Variants in RAET1L observed in about 807,000 individuals in gnomAD.
The protein encoded by RAET1L is retinoic acid early transcript 1L.
In RAET1L, 16 loss-of-function variants were observed where a neutral mutation model predicts 23.9. That is an observed-to-expected ratio of 0.67 (90% CI 0.45 to 1.02). The LOEUF (loss-of-function observed/expected upper bound fraction) is 1.02, where lower values mean the gene tolerates loss of function less well. Ranked by LOEUF, RAET1L falls within the 50% of genes least tolerant of loss-of-function variation. The pLI, the probability that RAET1L is intolerant of heterozygous loss-of-function variation, is 0.00. For synonymous variants in RAET1L, 70 were observed against 111.2 expected (o/e 0.63, Z 2.33); for missense variants, 233 against 304.0 (o/e 0.77, Z 1.74).
chr6:150,023,713 T>C lies in RAET1L; in HGVS notation c.86-1470A>G, dbSNP rs373675551. On this transcript the variant is annotated intron_variant, in intron 1 of 4. Transcript: ENST00000367341. The stretch of plus-strand genomic sequence containing the variant: ...AGGTACATGTGGTCACAATGTCTAA[T>C]TGGAGAATCACAACAGAGATTCCAT... Among the ~76,000 whole-genome samples the C allele has an allele frequency of 4.6e-5, 7 of 152,112 alleles. No individual in the cohort carries two copies. In the South Asian group the frequency reaches 1.5e-3, roughly 32 times the overall value.
chr6:150,020,356 C>T (rs1016918565), intron 3 of RAET1L, 117 bp from the exon 4 acceptor site: 5 of 1,587,330 alleles, frequency 3.1e-6, no homozygotes, highest in Non-Finnish European at 4.3e-6. Flanking sequence ...TCCCCTCCCC[C>T]CTGGTGTGGG....
Position 150,025,389 on chromosome 6 carries a change from T to G in RAET1L, c.83A>C (p.Asp28Ala), listed in dbSNP as rs377737907. 1.4e-4 allele frequency: 233 copies of G among 1,613,178 alleles called. No individual in the cohort carries two copies. The highest frequency in any genetic ancestry group is 2.0e-4 in the Non-Finnish European group (231 of 1,179,498). ...TTAGGCTCCATCCACCAGCTCACCGTCTCGCCTAGCCCGGGACCAGCCGAA... is the reference window on the plus strand; with the variant it reads ...TTAGGCTCCATCCACCAGCTCACCGGCTCGCCTAGCCCGGGACCAGCCGAA... Reference protein sequence around the residue: ...LLFGWSRARRDDPHSLCYDIT... With the variant: ...LLFGWSRARRADPHSLCYDIT... The change falls in exon 1 of 5, where the codon GAC becomes GCC. Residue 28 changes from aspartate (D) to alanine (A), a missense_variant and splice_region_variant. Asp to Ala is a moderately radical substitution (Grantham distance 126, BLOSUM62 -2). This residue lies in a region of RAET1L where 42 missense variants were observed against 35.0 expected (regional missense o/e 1.20). Transcript: ENST00000367341.
intron 2 of RAET1L, 141 bp downstream of exon 2, chr6:150,021,839 A>C: frequency 1.6e-6 from 2 of 1,247,170 alleles, no homozygotes; most frequent in Non-Finnish European, 2.3e-6. Flanking sequence ...TGATCGGCCC[A>C]CCTCTACCTC....
intron 2 of RAET1L, among the ~76,000 whole-genome samples, chr6:150,021,402 G>A (rs1285121366): frequency 4.4e-5 from 6 of 135,918 alleles, no homozygotes; most frequent in Non-Finnish European, 6.4e-5. Flanking sequence ...GCAGTGGCGC[G>A]ATCTCGGCTC....
rs1015138169 is a variant in RAET1L at position 150,024,090 on chromosome 6, C to T, written c.85+1297G>A. On this transcript the variant is annotated intron_variant, in intron 1 of 4. Coordinates refer to ENST00000367341, the MANE Select transcript of RAET1L (RefSeq NM_130900.3). ...TCCCCAGGACACCACGTGGCTGCAC[C>T]CACTCACCCTCAGCTCACACCTGAG... is the stretch of plus-strand genomic sequence containing the variant. Among the ~76,000 whole-genome samples, 4 of 152,210 alleles carry T rather than the reference C, an allele frequency of 2.6e-5. No homozygotes were observed. In the South Asian group the frequency reaches 8.3e-4, roughly 32 times the overall value.
rs1012124708 is a variant in RAET1L at position 150,020,905 on chromosome 6, C to G, written c.631G>C (p.Ala211Pro). 4 of 1,613,850 alleles carry G rather than the reference C, an allele frequency of 2.5e-6. No homozygotes were observed. In the African/African-American group the frequency reaches 5.3e-5, roughly 22 times the overall value. ...MDSTLEPSAG[A>P]PLAMSSGTTQ... is the part of the protein sequence containing the mutation. Reference sequence around the variant, plus strand: ...TCCCCGTTTCTTTTTCTCCTGTTACCTCCTGCACTTGGCTCCAGGGTGCTG... The same window carrying G: ...TCCCCGTTTCTTTTTCTCCTGTTACGTCCTGCACTTGGCTCCAGGGTGCTG... The change falls in exon 3 of 5, where the codon GCA (alanine) becomes CCA (proline). Residue 211 changes from alanine (A) to proline (P), a missense_variant and splice_region_variant. By Grantham distance (27) the Ala-to-Pro change is conservative. Transcript: ENST00000367341.
chr6:150,023,108 A>G (rs1257991569), intron 1 of RAET1L, among the ~76,000 whole-genome samples: 2 of 139,134 alleles, frequency 1.4e-5, no homozygotes, highest in Admixed American at 7.5e-5. Flanking sequence ...TGAAATTCCA[A>G]ATTCCAGGTG....
intron 1 of RAET1L, among the ~76,000 whole-genome samples, chr6:150,024,494 G>A (rs111384778): frequency 0.4 from 60,984 of 151,076 alleles, 12,625 homozygotes; most frequent in Admixed American, 0.48. Context: ...TTCTAGAAAG[G>A]GTTTGCTGAC....
In RAET1L at chr6:150,025,351, G is replaced by C. The variant is rs977354568; in HGVS notation, c.85+36C>G. On this transcript the variant is annotated intron_variant, in intron 1 of 4. Transcript: ENST00000367341. ...TGCAGTCCACAGTCCCTCAGGTTTGGCCCCCGCCCCGCTTAGGCTCCATCC... is the reference window on the plus strand; with the variant it reads ...TGCAGTCCACAGTCCCTCAGGTTTGCCCCCCGCCCCGCTTAGGCTCCATCC... 6 of 1,580,878 alleles carry C rather than the reference G, an allele frequency of 3.8e-6. No homozygotes were observed. In the African/African-American group the frequency reaches 5.4e-5, roughly 14 times the overall value.
At chr6:150,023,634 C>T (rs550093974) in intron 1 of RAET1L, among the ~76,000 whole-genome samples, 2 of 152,294 alleles carry the variant, frequency 1.3e-5, no homozygotes, top group African/African-American at 2.4e-5. Flanking sequence ...GAATGATGAG[C>T]GAGGCTGGAC....
At chr6:150,023,218 A>G (rs1193775414) in intron 1 of RAET1L, among the ~76,000 whole-genome samples, 1 of 152,050 alleles carries the variant, frequency 6.6e-6, no homozygotes, top group South Asian at 2.1e-4. Context: ...AGTTATGCCC[A>G]TGGCTCATAG....
Position 150,021,197 on chromosome 6 carries a change from CA to C in RAET1L, c.350-12del. On this transcript the variant is annotated splice_polypyrimidine_tract_variant and intron_variant, in intron 2 of 4. Coordinates refer to ENST00000367341, the MANE Select transcript of RAET1L (RefSeq NM_130900.3). Reference sequence around the variant, plus strand: ...GCAGGGTGAGGGGTTCTGCCCCCATCAGAGAGAGATCAGCTCTGATCTTGAC... The same window carrying C: ...GCAGGGTGAGGGGTTCTGCCCCCATCGAGAGAGATCAGCTCTGATCTTGAC... The C allele has an allele frequency of 6.2e-7, 1 of 1,607,296 alleles. No individual in the cohort carries two copies. The highest frequency in any genetic ancestry group is 1.1e-5 in the South Asian group (1 of 90,258).
At position 150,020,234 on chromosome 6, in the gene RAET1L, G is replaced by A. The variant is rs1201526551; in HGVS notation, c.637C>T (p.Leu213Phe). ...TGGGTTGTGCCTGAGGACATGGCGAGTGGTGCTGAAATGGAAACACAAAAG... is the reference window on the plus strand; with the variant it reads ...TGGGTTGTGCCTGAGGACATGGCGAATGGTGCTGAAATGGAAACACAAAAG... ...STLEPSAGAPLAMSSGTTQLR... is the reference protein window; with the variant it reads ...STLEPSAGAPFAMSSGTTQLR... The change falls in exon 4 of 5, where the codon CTC becomes TTC. Residue 213 changes from leucine to phenylalanine, a missense_variant. Around this residue, in one of 4 missense-constraint regions of RAET1L, gnomAD observed 139 missense variants for 125.3 expected, o/e 1.11. Coordinates refer to ENST00000367341, the MANE Select transcript of RAET1L (RefSeq NM_130900.3). The A allele has an allele frequency of 1.1e-5, 16 of 1,509,340 alleles. No individual in the cohort carries two copies. The highest frequency in any genetic ancestry group is 1.3e-5 in the Non-Finnish European group (15 of 1,113,522). The allele number at this position is 1,509,340 out of a possible 1,614,324, so 93.5% of individuals were successfully genotyped here.
rs1779876861 is a variant in RAET1L at position 150,020,841 on chromosome 6, C to T, written c.631+64G>A. The T allele has an allele frequency of 5.7e-6, 9 of 1,592,004 alleles. No homozygotes were observed. The Admixed American group carries it at 8.6e-5, about 15-fold the overall frequency. On this transcript the variant is annotated intron_variant, in intron 3 of 4. Transcript: ENST00000367341. The stretch of plus-strand genomic sequence containing the variant: ...GGATGATTGAAGCTGAACTCAAGAA[C>T]TAACTTCTTGAGATCCCCATTTCTG...
In RAET1L at chr6:150,021,148, T is replaced by C. The variant is rs1374410539; in HGVS notation, c.388A>G (p.Lys130Glu). ...GATCCACTGCTGTGTCCTTCAGCTT[T>C]CTGCTCACAAGACATCCTTGCCTGC... Reference protein sequence around the residue: ...TLQARMSCEQKAEGHSSGSWQ... With the variant: ...TLQARMSCEQEAEGHSSGSWQ... Residue 130 changes from lysine to glutamate, a missense_variant, in exon 3 of 5, where the codon AAA (lysine) becomes GAA (glutamate). Physicochemically the swap from Lys to Glu is moderately conservative, Grantham distance 56 (BLOSUM62 1). Coordinates refer to ENST00000367341, the MANE Select transcript of RAET1L (RefSeq NM_130900.3). The C allele has an allele frequency of 3.7e-6, 6 of 1,613,934 alleles. No individual in the cohort carries two copies. Among genetic ancestry groups the C allele is most frequent in the Non-Finnish European group, 5.1e-6 (6 of 1,179,988 alleles).
chr6:150,020,851 G>A lies in RAET1L; in HGVS notation c.631+54C>T. The A allele has an allele frequency of 1.9e-6, 3 of 1,598,490 alleles. No homozygotes were observed. In the South Asian group the frequency reaches 3.4e-5, roughly 18 times the overall value. On this transcript the variant is annotated intron_variant, in intron 3 of 4. Coordinates refer to ENST00000367341, the MANE Select transcript of RAET1L (RefSeq NM_130900.3). The stretch of plus-strand genomic sequence containing the variant: ...AGCTGAACTCAAGAACTAACTTCTT[G>A]AGATCCCCATTTCTGATCTCATTTA...
At position 150,025,433 on chromosome 6, in the gene RAET1L, G is replaced by C. The variant is rs781493837; in HGVS notation, c.39C>G (p.Leu13=). 3 of 1,614,052 alleles carry C rather than the reference G, an allele frequency of 1.9e-6. No homozygotes were observed. The highest frequency in any genetic ancestry group is 1.3e-5 in the African/African-American group (1 of 75,072). The part of the protein sequence containing the change: ...AAAIPALLLC[L]PLLFLLFGWS... ...AGCCGAACAGCAGGAACAGAAGCGG[G>C]AGGCACAGAAGCAAAGCTGGGATGG... The change falls in exon 1 of 5, where the codon CTC becomes CTG. Residue 13 remains leucine, a synonymous_variant. Transcript: ENST00000367341.
chr6:150,025,492 G>A lies in RAET1L; in HGVS notation c.-21C>T. On this transcript the variant is annotated 5_prime_UTR_variant, in exon 1 of 5. Coordinates refer to ENST00000367341, the MANE Select transcript of RAET1L (RefSeq NM_130900.3). ...GCCATTGGGGACCAGGAGGGCTGGGGACAAGAGATTTAATCAAGGTGGATC... is the reference window on the plus strand; with the variant it reads ...GCCATTGGGGACCAGGAGGGCTGGGAACAAGAGATTTAATCAAGGTGGATC... 10 of 1,599,822 alleles carry A rather than the reference G, an allele frequency of 6.3e-6. No individual in the cohort carries two copies. The highest frequency in any genetic ancestry group is 7.7e-6 in the Non-Finnish European group (9 of 1,167,544).
chr6:150,022,959 AC>A (rs1048125590), intron 1 of RAET1L, among the ~76,000 whole-genome samples: 2 of 113,276 alleles, frequency 1.8e-5, no homozygotes, highest in African/African-American at 6.7e-5. Context: ...ACTCCTGTTT[AC>A]CCAGCATATA....
Sources: gnomAD v4.1 joint callset for allele counts (sites outside exome capture counted in the v4.1 genomes callset) on GRCh38, gnomAD v4.1.1 for gene constraint, gnomAD v4.1.1 regional missense constraint, MANE v1.5 for transcripts, NCBI Gene and HGNC (gene_info 2026-07-23, HGNC 2026-07-21) for gene names.